The following CSMD1 variants were observed in gnomAD, a reference collection of about 807,000 sequenced individuals.
CSMD1 encodes the protein CUB and sushi domain-containing protein 1.
In CSMD1, 213 loss-of-function variants were observed where a neutral mutation model predicts 417.5. That is an observed-to-expected ratio of 0.51 (90% CI 0.46 to 0.57). The LOEUF (loss-of-function observed/expected upper bound fraction) is 0.57, where lower values mean the gene tolerates loss of function less well. CSMD1 is among the 20% of genes least tolerant of loss of function. The pLI, the probability that CSMD1 is intolerant of heterozygous loss-of-function variation, is 0.00. For synonymous variants in CSMD1, 2,862 were observed against 1,736.8 expected, an observed-to-expected ratio of 1.65 and a Z score of -16.11; for missense variants, 6,923 against 4,529.7, an observed-to-expected ratio of 1.53 and a Z score of -15.17.
intron 5 of CSMD1, among the ~76,000 whole-genome samples, chr8:3,907,581 G>T (rs560242337): frequency 6.6e-6 from 1 of 152,146 alleles, no homozygotes. Flanking sequence ...CAGTGGTTGT[G>T]CCAGGTACAG....
At chr8:3,631,206 T>C (rs531669227) in intron 7 of CSMD1, among the ~76,000 whole-genome samples, 5 of 152,316 alleles carry the variant, frequency 3.3e-5, no homozygotes, top group South Asian at 2.1e-4. Context: ...ACCTGCTTTA[T>C]GTTGCTATGT....
intron 7 of CSMD1, among the ~76,000 whole-genome samples, chr8:3,654,077 G>A (rs997065561): frequency 7.9e-5 from 12 of 152,232 alleles, no homozygotes; most frequent in Middle Eastern, 3.4e-3. Context: ...CTGTAATAAC[G>A]TCTCTTTTCT....
chr8:3,240,806 G>T (rs187081165), intron 26 of CSMD1, among the ~76,000 whole-genome samples: 48 of 152,286 alleles, frequency 3.2e-4, no homozygotes, highest in Non-Finnish European at 3.1e-4. Context: ...TTGATAAGGC[G>T]CAGATCCTGA....
At chr8:4,426,193 G>A (rs1361846171) in intron 2 of CSMD1, among the ~76,000 whole-genome samples, 1 of 151,820 alleles carries the variant, frequency 6.6e-6, no homozygotes, top group Non-Finnish European at 1.5e-5. Context: ...ACTGGAATCT[G>A]TGAATTAAGA....
chr8:4,053,759 G>A (rs905756720), intron 3 of CSMD1, among the ~76,000 whole-genome samples: 1 of 152,048 alleles, frequency 6.6e-6, no homozygotes, highest in African/African-American at 2.4e-5. Flanking sequence ...TGGATATGAT[G>A]GCATTTGGGG....
intron 19 of CSMD1, among the ~76,000 whole-genome samples, chr8:3,368,268 C>T (rs775785901): frequency 3.3e-5 from 5 of 152,060 alleles, no homozygotes; most frequent in African/African-American, 4.8e-5. Context: ...CATATTAAGT[C>T]GGGTTCAAAT....
At chr8:3,411,573 T>G (rs1408960492) in intron 12 of CSMD1, among the ~76,000 whole-genome samples, 2 of 151,450 alleles carry the variant, frequency 1.3e-5, no homozygotes, top group African/African-American at 4.9e-5. Context: ...GTTACTTCAC[T>G]TAGAATAATA....
intron 5 of CSMD1, among the ~76,000 whole-genome samples, chr8:3,937,489 AGAT>A (rs1173353172): frequency 2.0e-5 from 3 of 152,256 alleles, no homozygotes; most frequent in Non-Finnish European, 2.9e-5. Flanking sequence ...ACCAGCAAAA[AGAT>A]GATGAGTCAT....
intron 5 of CSMD1, among the ~76,000 whole-genome samples, chr8:3,878,492 A>T (rs1481198574): frequency 1.3e-5 from 2 of 152,186 alleles, no homozygotes; most frequent in Admixed American, 1.3e-4. Context: ...TAAGTAGAAC[A>T]CAAGCTAGCT....
At chr8:4,800,585 G>A (rs1289448561) in intron 1 of CSMD1, among the ~76,000 whole-genome samples, 1 of 152,238 alleles carries the variant, frequency 6.6e-6, no homozygotes, top group Non-Finnish European at 1.5e-5. Flanking sequence ...CAGAGGCAGA[G>A]CAGGGAAGGA....
At chr8:4,165,055 G>A (rs373741473) in intron 3 of CSMD1, among the ~76,000 whole-genome samples, 90 of 152,274 alleles carry the variant, frequency 5.9e-4, no homozygotes, top group African/African-American at 2.0e-3. Context: ...TAGAGGCTGT[G>A]TAGACAGTGA....
chr8:4,372,974 T>C (rs1162214213), intron 3 of CSMD1, among the ~76,000 whole-genome samples: 2 of 151,976 alleles, frequency 1.3e-5, no homozygotes, highest in Admixed American at 6.6e-5. Flanking sequence ...AAGAGGAAAA[T>C]ATAAAGTGAC....
At chr8:3,236,196 G>C (rs1822244) in intron 26 of CSMD1, among the ~76,000 whole-genome samples, 2 of 151,838 alleles carry the variant, frequency 1.3e-5, no homozygotes, top group African/African-American at 2.4e-5. Flanking sequence ...GGGAATACAG[G>C]TGTGAGCCAC....
intron 31 of CSMD1, among the ~76,000 whole-genome samples, chr8:3,205,159 G>T (rs892100502): frequency 7.2e-5 from 11 of 152,158 alleles, no homozygotes; most frequent in Non-Finnish European, 8.8e-5. Context: ...TATACACAGA[G>T]TTCTGACCCA....
At chr8:3,093,619 G>A (rs1003439683) in intron 47 of CSMD1, among the ~76,000 whole-genome samples, 1 of 152,112 alleles carries the variant, frequency 6.6e-6, no homozygotes, top group African/African-American at 2.4e-5. Context: ...AGTGAGCTGA[G>A]GTTGTGCCAT....
At chr8:4,703,955 T>A (rs1807749244) in intron 1 of CSMD1, among the ~76,000 whole-genome samples, 2 of 152,088 alleles carry the variant, frequency 1.3e-5, no homozygotes, top group African/African-American at 2.4e-5. Context: ...ACAACCTAGA[T>A]CCCTCACACA....
chr8:4,226,220 G>T (rs1156689358), intron 3 of CSMD1, among the ~76,000 whole-genome samples: 2 of 151,932 alleles, frequency 1.3e-5, no homozygotes, highest in Non-Finnish European at 2.9e-5. Flanking sequence ...TACCTTGAAA[G>T]GATCCCAGCA....
At chr8:3,859,150 C>T (rs895550873) in intron 5 of CSMD1, among the ~76,000 whole-genome samples, 12 of 152,168 alleles carry the variant, frequency 7.9e-5, no homozygotes, top group African/African-American at 2.7e-4. Flanking sequence ...TCCACACAGG[C>T]ATAGCACTGT....
intron 1 of CSMD1, among the ~76,000 whole-genome samples, chr8:4,764,263 T>C (rs1281683920): frequency 1.3e-5 from 2 of 152,234 alleles, no homozygotes; most frequent in African/African-American, 4.8e-5. Flanking sequence ...AAATATATTC[T>C]CTATAATATT....
Sources: gnomAD v4.1 joint callset for allele counts (sites outside exome capture counted in the v4.1 genomes callset) on GRCh38, gnomAD v4.1.1 for gene constraint, MANE v1.5 for transcripts, NCBI Gene and HGNC (gene_info 2026-07-23, HGNC 2026-07-21) for gene names.